Variants in DERL1 observed in about 807,000 individuals in gnomAD.
DERL1 encodes derlin-1.
In DERL1, 24 loss-of-function variants were observed where a neutral mutation model predicts 41.6. That is an observed-to-expected ratio of 0.58 (90% CI 0.42 to 0.81). DERL1 has a LOEUF of 0.81. DERL1 is among the 30% of genes least tolerant of loss of function. The pLI is 0.00. For synonymous variants in DERL1, 124 were observed against 112.5 expected, an observed-to-expected ratio of 1.10 and a Z score of -0.65; for missense variants, 260 against 314.3, an observed-to-expected ratio of 0.83 and a Z score of 1.31.
intron 1 of DERL1, among the ~76,000 whole-genome samples, chr8:123,033,140 G>A (rs1812853062): frequency 6.6e-6 from 1 of 151,982 alleles, no homozygotes; most frequent in African/African-American, 2.4e-5. Flanking sequence ...TGAAATTATA[G>A]GCATGAGCCA....
chr8:123,035,719 T>C (rs965701414), intron 1 of DERL1, among the ~76,000 whole-genome samples: 5 of 152,232 alleles, frequency 3.3e-5, no homozygotes, highest in Admixed American at 6.5e-5. Flanking sequence ...CACTGCTATA[T>C]ACACCCTTAA....
rs1814765499 is a variant in DERL1, at chr8:123,021,486, G to A, written c.467C>T (p.Pro156Leu). ...ATAGTTGAATCCAAGGATAACCCAG[G>A]GTAAATAGCAGGCCTAGGATGGAAT... ...FGTRFKACYL[P>L]WVILGFNYII... Residue 156 changes from proline to leucine, a missense_variant, in exon 6 of 8, where the codon CCC (proline) becomes CTC (leucine). Pro to Leu is a moderately conservative substitution (Grantham distance 98, BLOSUM62 -3). Coordinates refer to ENST00000259512, the MANE Select transcript of DERL1 (RefSeq NM_024295.6). 17 of 1,613,614 alleles carry A rather than the reference G, an allele frequency of 1.1e-5. No homozygotes were observed. The highest frequency in any genetic ancestry group is 1.4e-5 in the Non-Finnish European group (17 of 1,179,754).
At chr8:123,039,427 C>T (rs780531420) in intron 1 of DERL1, among the ~76,000 whole-genome samples, 1 of 152,202 alleles carries the variant, frequency 6.6e-6, no homozygotes, top group Non-Finnish European at 1.5e-5. Context: ...TACACCCAGC[C>T]CTGGCTATCT....
intron 7 of DERL1, 97 bp downstream of exon 7, chr8:123,019,098 G>T: frequency 1.2e-6 from 1 of 822,224 alleles, no homozygotes; most frequent in Non-Finnish European, 2.1e-6. Context: ...AGCAGATGGG[G>T]CATAGGGGTA....
At chr8:123,035,557 TCA>T (rs1812908016) in intron 1 of DERL1, among the ~76,000 whole-genome samples, 1 of 152,166 alleles carries the variant, frequency 6.6e-6, no homozygotes, top group Admixed American at 6.6e-5. Flanking sequence ...ACTGCCTGCC[TCA>T]CACTTACTGA....
Position 123,042,058 on chromosome 8 carries a change from G to C in DERL1, c.65C>G (p.Thr22Ser). 1 of 1,613,954 alleles carries C rather than the reference G, an allele frequency of 6.2e-7. No individual in the cohort carries two copies. Among genetic ancestry groups the C allele is most frequent in the Non-Finnish European group, 8.5e-7 (1 of 1,179,936 alleles). Residue 22 changes from threonine (T) to serine (S), a missense_variant, in exon 1 of 8, where the codon ACC (threonine) becomes AGC (serine). Physicochemically the swap from Thr to Ser is moderately conservative, Grantham distance 58. Coordinates refer to ENST00000259512, the MANE Select transcript of DERL1 (RefSeq NM_024295.6). The part of the protein sequence containing the change: ...PAITRYWFAA[T>S]VAVPLVGKLG... ...TTTGCCGACCAAGGGCACGGCGACG[G>C]TGGCGGCGAACCAATAGCGCGTGAT...
At chr8:123,028,500 G>C (rs1812752384) in intron 2 of DERL1, among the ~76,000 whole-genome samples, 1 of 152,174 alleles carries the variant, frequency 6.6e-6, no homozygotes, top group Non-Finnish European at 1.5e-5. Context: ...TTTAGGGAAT[G>C]ATGAAACTGT....
chr8:123,026,595 A>G (rs1378699855), intron 2 of DERL1, among the ~76,000 whole-genome samples: 1 of 152,252 alleles, frequency 6.6e-6, no homozygotes, highest in African/African-American at 2.4e-5. Flanking sequence ...ACTGGGGATC[A>G]GTGAACCTGG....
chr8:123,021,831 ATG>A (rs1446631055), intron 5 of DERL1, among the ~76,000 whole-genome samples: 2 of 152,252 alleles, frequency 1.3e-5, no homozygotes, highest in African/African-American at 4.8e-5. Flanking sequence ...AGCAAGGCCC[ATG>A]AGAGAATCAC....
chr8:123,031,414 G>A (rs372545948), intron 1 of DERL1, among the ~76,000 whole-genome samples: 3 of 151,982 alleles, frequency 2.0e-5, no homozygotes, highest in East Asian at 1.9e-4. Flanking sequence ...GTGAGGTGGC[G>A]GGGGCCTGTA....
chr8:123,024,730 A>G (rs906535594), intron 3 of DERL1, among the ~76,000 whole-genome samples: 1 of 152,212 alleles, frequency 6.6e-6, no homozygotes, highest in African/African-American at 2.4e-5. Flanking sequence ...GAGAACTGGG[A>G]ACAAGAAGAG....
rs1813087673 is a variant in DERL1 at position 123,041,981 on chromosome 8, A to G, written c.142T>C (p.Tyr48His). The part of the protein sequence containing the change: ...YLFLWPEAFL[Y>H]RFQIWRPITA... ...TCTCCGGTAAGTACCTGAAAGCGAT[A>G]AAGGAAGGCTTCGGGCCAGAGGAAG... Residue 48 changes from tyrosine (Y) to histidine (H), a missense_variant, in exon 1 of 8, where the codon TAT becomes CAT. By Grantham distance (83) the Tyr-to-His change is moderately conservative. Transcript: ENST00000259512. 3 of 1,611,556 alleles carry G rather than the reference A, an allele frequency of 1.9e-6. No individual in the cohort carries two copies. Among genetic ancestry groups the G allele is most frequent in the Admixed American group, 3.3e-5 (2 of 59,794 alleles).
chr8:123,034,262 C>CA (rs1430458081), intron 1 of DERL1, among the ~76,000 whole-genome samples: 1 of 151,942 alleles, frequency 6.6e-6, no homozygotes, highest in Non-Finnish European at 1.5e-5. Context: ...ATGTGCATAC[C>CA]AAAAAAGTGA....
Position 123,042,165 on chromosome 8 carries a change from C to T in DERL1, c.-43G>A, listed in dbSNP as rs1260244984. 2 of 1,545,798 alleles carry T rather than the reference C, an allele frequency of 1.3e-6. No individual in the cohort carries two copies. The highest frequency in any genetic ancestry group is 1.2e-5 in the South Asian group (1 of 84,052). On this transcript the variant is annotated 5_prime_UTR_variant, in exon 1 of 8. Transcript: ENST00000259512. ...CCAAGATGCACAAGACCGCCCGACT[C>T]CCCGTGCCGACCCCCTCACGACGCG...
At chr8:123,039,531 C>T (rs1161474767) in intron 1 of DERL1, among the ~76,000 whole-genome samples, 2 of 152,202 alleles carry the variant, frequency 1.3e-5, no homozygotes, top group Non-Finnish European at 2.9e-5. Context: ...ACTTCTGAGC[C>T]TTTCACTTAC....
intron 7 of DERL1, chr8:123,018,177 G>C (rs1470834933): frequency 6.6e-6 from 1 of 152,142 alleles, no homozygotes; most frequent in Admixed American, 6.5e-5. Flanking sequence ...GGTTTGGTTT[G>C]TTTGTTTTTT....
intron 2 of DERL1, among the ~76,000 whole-genome samples, chr8:123,028,916 A>C (rs1433603520): frequency 6.6e-6 from 1 of 152,076 alleles, no homozygotes; most frequent in Non-Finnish European, 1.5e-5. Context: ...AAAATACAAA[A>C]GTCAGCCAGG....
chr8:123,017,075 T>A (rs1814595917), intron 7 of DERL1: 2 of 152,204 alleles, frequency 1.3e-5, no homozygotes, highest in Non-Finnish European at 2.9e-5. Context: ...CCTGACCTCG[T>A]GATCCACCCG....
At chr8:123,041,874 C>T (rs765257893) in intron 1 of DERL1, 96 bp downstream of exon 1, 1 of 1,437,892 alleles carries the variant, frequency 7.0e-7, no homozygotes, top group Non-Finnish European at 9.2e-7. Flanking sequence ...CAAATCCCAG[C>T]AGGCACCGCG....
Sources: gnomAD v4.1 joint callset for allele counts (sites outside exome capture counted in the v4.1 genomes callset) on GRCh38, gnomAD v4.1.1 for gene constraint, MANE v1.5 for transcripts, NCBI Gene and HGNC (gene_info 2026-07-23, HGNC 2026-07-21) for gene names.